Variants in CDK7 observed in about 807,000 individuals in gnomAD.
CDK7 encodes cyclin-dependent kinase 7.
A neutral mutation model predicts 49.1 loss-of-function variants in CDK7; 25 were observed. The observed-to-expected ratio is 0.51, with a 90% CI of 0.37 to 0.71. CDK7 has a LOEUF of 0.71. CDK7 is among the 30% of genes least tolerant of loss of function. The pLI is 0.00. For synonymous variants in CDK7, 107 were observed against 140.0 expected (o/e 0.76, Z 1.67); for missense variants, 316 against 411.7 (o/e 0.77, Z 2.01).
At chr5:69,250,956 C>A (rs746646843) in intron 2 of CDK7, 3 of 449,622 alleles carry the variant, frequency 6.7e-6, no homozygotes, top group African/African-American at 6.0e-5. Flanking sequence ...GAAGTAGAAT[C>A]GCCTGTTCTG....
intron 9 of CDK7, among the ~76,000 whole-genome samples, chr5:69,272,277 T>A (rs1751641504): frequency 6.6e-6 from 1 of 152,204 alleles, no homozygotes; most frequent in Non-Finnish European, 1.5e-5. Flanking sequence ...AACAGAGTCT[T>A]AATCAAAGTA....
intron 7 of CDK7, among the ~76,000 whole-genome samples, chr5:69,261,490 C>CTGTG (rs1168767153): frequency 0.25 from 34,869 of 139,458 alleles, 5,140 homozygotes; most frequent in Non-Finnish European, 0.34. Flanking sequence ...AAAAGGTTCT[C>CTGTG]TGTGTGTGTG....
intron 10 of CDK7, among the ~76,000 whole-genome samples, chr5:69,274,667 G>A (rs1209743988): frequency 4.6e-5 from 7 of 152,198 alleles, no homozygotes. Flanking sequence ...CCAGGCTGGA[G>A]TGCAGTGGCA....
At chr5:69,261,591 C>T (rs956414685) in intron 7 of CDK7, among the ~76,000 whole-genome samples, 3 of 151,732 alleles carry the variant, frequency 2.0e-5, no homozygotes, top group Admixed American at 1.3e-4. Flanking sequence ...AGTGCAATGG[C>T]GCGATCTCTG....
intron 10 of CDK7, among the ~76,000 whole-genome samples, chr5:69,274,477 GTAAA>G (rs1751903635): frequency 6.6e-6 from 1 of 152,104 alleles, no homozygotes; most frequent in Non-Finnish European, 1.5e-5. Context: ...TCTACAAAAA[GTAAA>G]TAAATAAAAA....
At chr5:69,255,366 T>A (rs939567918) in intron 4 of CDK7, 94 bp from the exon 5 acceptor site, 70 of 688,892 alleles carry the variant, frequency 1.0e-4, no homozygotes, top group Admixed American at 5.0e-5. Context: ...ACCAACAGTT[T>A]AAATGCTTTT....
chr5:69,261,014 C>T (rs141687726), intron 7 of CDK7, among the ~76,000 whole-genome samples: 78 of 152,178 alleles, frequency 5.1e-4, no homozygotes, highest in African/African-American at 1.4e-3. Context: ...AGATGGGTTT[C>T]GCCATGTTGC....
At chr5:69,265,455 A>T (rs779991368) in intron 8 of CDK7, among the ~76,000 whole-genome samples, 4 of 152,198 alleles carry the variant, frequency 2.6e-5, no homozygotes, top group Non-Finnish European at 4.4e-5. Context: ...TAGAAAAGAA[A>T]ATAAAGTATT....
chr5:69,252,853 A>G (rs1329074689), intron 3 of CDK7, among the ~76,000 whole-genome samples: 1 of 152,150 alleles, frequency 6.6e-6, no homozygotes, highest in African/African-American at 2.4e-5. Flanking sequence ...GTATGAATTA[A>G]TAAGTTAGTA....
At chr5:69,244,108 A>T (rs573233556) in intron 2 of CDK7, among the ~76,000 whole-genome samples, 1 of 152,302 alleles carries the variant, frequency 6.6e-6, no homozygotes, top group South Asian at 2.1e-4. Context: ...CGGGGATTAC[A>T]GGCGTGAGCC....
Position 69,276,543 on chromosome 5 carries a change from G to T in CDK7, c.865G>T (p.Ala289Ser). The change falls in exon 11 of 12, where the codon GCA (alanine) becomes TCA (serine). Residue 289 changes from alanine to serine, a missense_variant and splice_region_variant. Physicochemically the swap from Ala to Ser is moderately conservative, Grantham distance 99. Coordinates refer to ENST00000256443, the MANE Select transcript of CDK7 (RefSeq NM_001799.4). ...CTTTTGGTATCTTTTCTTTTAAAAG[G>T]CACTGAAAATGAAGTATTTCAGTAA... ...NPCARITATQ[A>S]LKMKYFSNRP... The T allele has an allele frequency of 6.2e-7, 1 of 1,612,006 alleles. No individual in the cohort carries two copies. The highest frequency in any genetic ancestry group is 2.2e-5 in the East Asian group (1 of 44,868).
Position 69,262,212 on chromosome 5 carries a change from C to A in CDK7, c.535C>A (p.Arg179=). The change falls in exon 8 of 12, where the codon CGG becomes AGG. Residue 179 remains arginine, a synonymous_variant. Coordinates refer to ENST00000256443, the MANE Select transcript of CDK7 (RefSeq NM_001799.4). ...ATTCTTTTTGTTCTTTAGGTGGTAT[C>A]GGGCCCCCGAGTTACTATTTGGAGC... The part of the protein sequence containing the change: ...YTHQVVTRWY[R]APELLFGARM... 6.2e-7 allele frequency: 1 copy of A among 1,613,580 alleles called. No individual in the cohort carries two copies. Among genetic ancestry groups the A allele is most frequent in the Non-Finnish European group, 8.5e-7 (1 of 1,180,002 alleles).
chr5:69,271,515 T>C (rs1470834976), intron 9 of CDK7, among the ~76,000 whole-genome samples: 11 of 24,432 alleles, frequency 4.5e-4, no homozygotes, highest in African/African-American at 2.7e-3. Context: ...TTTTTTTTCT[T>C]TTTTTTTTTT....
chr5:69,260,460 C>T (rs909799488), intron 7 of CDK7, among the ~76,000 whole-genome samples: 2 of 152,110 alleles, frequency 1.3e-5, no homozygotes, highest in Non-Finnish European at 2.9e-5. Flanking sequence ...TAACTTAATC[C>T]TAAGACATTT....
chr5:69,276,481 A>AT, intron 10 of CDK7, 62 bp from the exon 11 acceptor site: 1 of 1,476,068 alleles, frequency 6.8e-7, no homozygotes, highest in Non-Finnish European at 9.4e-7. Flanking sequence ...TGAAGGTAAG[A>AT]TTTTCCTTAA....
At chr5:69,237,160 G>A (rs1182063841) in intron 2 of CDK7, among the ~76,000 whole-genome samples, 1 of 151,748 alleles carries the variant, frequency 6.6e-6, no homozygotes, top group Non-Finnish European at 1.5e-5. Context: ...GAGTGCAGTG[G>A]CACAGCCATA....
At chr5:69,252,493 CCTTTTTTT>C in intron 3 of CDK7, 42 bp downstream of exon 3, 1 of 429,966 alleles carries the variant, frequency 2.3e-6, no homozygotes, top group South Asian at 4.6e-5. Flanking sequence ...AAAGTTTTCT[CCTTTTTTT>C]TTTTTTTTTT....
rs147301048 is a variant in CDK7, at chr5:69,277,225, A to T, written c.*90A>T. The T allele has an allele frequency of 4.2e-5, 37 of 887,278 alleles. No individual in the cohort carries two copies. Among genetic ancestry groups the T allele is most frequent in the African/African-American group, 4.1e-4 (24 of 58,764 alleles). 55.0% of individuals were successfully genotyped at this position (887,278 alleles called of 1,614,324 possible). On this transcript the variant is annotated 3_prime_UTR_variant, in exon 12 of 12. Transcript: ENST00000256443. ...AGTAAACATTAAGTAAATGCTGTAGAAGTGAGTTTGTAAATATTCTACACA... is the reference window on the plus strand; with the variant it reads ...AGTAAACATTAAGTAAATGCTGTAGTAGTGAGTTTGTAAATATTCTACACA...
rs201381439 is a variant in CDK7 at position 69,272,897 on chromosome 5, G to A, written c.720G>A (p.Met240Ile). Residue 240 changes from methionine to isoleucine, a missense_variant, in exon 10 of 12, where the codon ATG (methionine) becomes ATA (isoleucine). Coordinates refer to ENST00000256443, the MANE Select transcript of CDK7 (RefSeq NM_001799.4). ...GTPTEEQWPD[M>I]CSLPDYVTFK... is the part of the protein sequence containing the mutation. ...TTACAAAATTATTTTTACAGGACAT[G>A]TGTAGTCTTCCAGATTATGTGACAT... 28 of 1,580,446 alleles carry A rather than the reference G, an allele frequency of 1.8e-5. No individual in the cohort carries two copies. The highest frequency in any genetic ancestry group is 1.3e-4 in the East Asian group (6 of 44,542).
Sources: allele counts gnomAD v4.1 joint callset (sites outside exome capture counted in the v4.1 genomes callset), GRCh38; gene constraint gnomAD v4.1.1; transcripts MANE v1.5; gene names NCBI Gene and HGNC (gene_info 2026-07-23, HGNC 2026-07-21).